The following SPECC1 variants were observed in gnomAD, a reference collection of about 807,000 sequenced individuals.
The protein encoded by SPECC1 is sperm antigen with calponin homology and coiled-coil domains 1.
SPECC1 carries 62 observed loss-of-function variants against 104.1 expected under a neutral mutation model. The observed-to-expected ratio is 0.60, with a 90% CI of 0.49 to 0.74. The LOEUF is 0.74. Among genes scored for constraint, SPECC1 ranks in the 30% least tolerant of loss-of-function variants. The probability of loss-of-function intolerance (pLI) is 0.00; values close to 1 mark genes in which losing one functional copy is unlikely to be tolerated. For synonymous variants in SPECC1, 513 were observed against 501.6 expected (o/e 1.02, Z -0.30); for missense variants, 1,306 against 1,310.5 (o/e 1.00, Z 0.05).
chr17:20,225,630 A>G (rs1374831391), intron 4 of SPECC1, among the ~76,000 whole-genome samples: 1 of 152,170 alleles, frequency 6.6e-6, no homozygotes, highest in Non-Finnish European at 1.5e-5. Flanking sequence ...GTTGCTGCCA[A>G]GGGATGAGGG....
chr17:20,076,489 T>C (rs1468859313), intron 1 of SPECC1, among the ~76,000 whole-genome samples: 1 of 152,232 alleles, frequency 6.6e-6, no homozygotes, highest in East Asian at 1.9e-4. Context: ...GATGAGCCAC[T>C]GCACCCAGCC....
chr17:20,036,479 G>A (rs543697400), intron 1 of SPECC1, among the ~76,000 whole-genome samples: 2 of 152,288 alleles, frequency 1.3e-5, no homozygotes, highest in East Asian at 3.9e-4. Flanking sequence ...TATTTATCAT[G>A]TACAACATGA....
chr17:20,271,402 T>A (rs57647643), intron 12 of SPECC1, among the ~76,000 whole-genome samples: 2,435 of 151,944 alleles, frequency 0.016, 49 homozygotes, highest in African/African-American at 0.054. Flanking sequence ...ATATCTGGAG[T>A]TCACATTAAG....
chr17:20,037,751 T>A (rs889314466), intron 1 of SPECC1, among the ~76,000 whole-genome samples: 1 of 152,206 alleles, frequency 6.6e-6, no homozygotes, highest in Non-Finnish European at 1.5e-5. Flanking sequence ...ATTTTTTAAA[T>A]CCTTATTCTT....
rs138830193 is a variant in SPECC1 at position 20,256,168 on chromosome 17, C to T, written c.2681-1283C>T. On this transcript the variant is annotated intron_variant, in intron 10 of 14. Coordinates refer to ENST00000395527, the MANE Select transcript of SPECC1 (RefSeq NM_001243439.2). ...CTGGGATTACAGGCATGAGCCACTG[C>T]ACCCGGCCAAAACCATTCTTTTAGT... is the stretch of plus-strand genomic sequence containing the variant. 7.8e-3 allele frequency among the ~76,000 whole-genome samples: 1,182 copies of T among 152,282 alleles called. 18 individuals carry two copies. Among genetic ancestry groups the T allele is most frequent in the African/African-American group, 0.027 (1,126 of 41,540 alleles).
At chr17:20,156,791 G>A (rs1190187182) in intron 3 of SPECC1, among the ~76,000 whole-genome samples, 3 of 152,144 alleles carry the variant, frequency 2.0e-5, no homozygotes, top group African/African-American at 7.2e-5. Context: ...GAGTCAGTTG[G>A]GCCGTAGTTT....
At chr17:20,076,990 A>G (rs1486747429) in intron 1 of SPECC1, among the ~76,000 whole-genome samples, 1 of 152,146 alleles carries the variant, frequency 6.6e-6, no homozygotes, top group Non-Finnish European at 1.5e-5. Flanking sequence ...TTCTCTTTTG[A>G]TCATTTTATG....
chr17:20,311,377 T>TG (rs2041926905), intron 14 of SPECC1, among the ~76,000 whole-genome samples: 7 of 151,712 alleles, frequency 4.6e-5, no homozygotes, highest in African/African-American at 1.7e-4. Flanking sequence ...CAGTACATTT[T>TG]TTTTTTGTTT....
At chr17:20,148,618 C>A (rs1489185767) in intron 3 of SPECC1, among the ~76,000 whole-genome samples, 2 of 151,422 alleles carry the variant, frequency 1.3e-5, no homozygotes, top group Non-Finnish European at 2.9e-5. Context: ...CAGAGAGGGC[C>A]ACTCTCAATC....
chr17:20,099,979 C>A (rs538934489), intron 2 of SPECC1, among the ~76,000 whole-genome samples: 3 of 152,250 alleles, frequency 2.0e-5, no homozygotes, highest in African/African-American at 7.2e-5. Flanking sequence ...CTACACACAT[C>A]CTCCCATATA....
intron 1 of SPECC1, among the ~76,000 whole-genome samples, chr17:20,026,956 TGTC>T (rs1567800493): frequency 1.3e-5 from 2 of 152,118 alleles, no homozygotes; most frequent in African/African-American, 4.8e-5. Context: ...CATTATATTT[TGTC>T]TTTTTGATAG....
chr17:20,036,018 G>C (rs930234564), intron 1 of SPECC1, among the ~76,000 whole-genome samples: 1 of 151,996 alleles, frequency 6.6e-6, no homozygotes, highest in Non-Finnish European at 1.5e-5. Context: ...TCACCATGTT[G>C]GTCAGGCTGG....
chr17:20,082,957 TGTTC>T (rs5819696), intron 1 of SPECC1, among the ~76,000 whole-genome samples: 20,626 of 147,578 alleles, frequency 0.14, 1,505 homozygotes, highest in African/African-American at 0.17. Flanking sequence ...TGTCCTTTGG[TGTTC>T]GTTCGTTCGT....
chr17:20,103,739 C>T (rs922707132), intron 2 of SPECC1, among the ~76,000 whole-genome samples: 4 of 152,174 alleles, frequency 2.6e-5, no homozygotes, highest in East Asian at 3.9e-4. Flanking sequence ...CTCCCCAGGA[C>T]GTCCGCATCC....
At chr17:20,217,341 C>A (rs1449851062) in intron 4 of SPECC1, among the ~76,000 whole-genome samples, 1 of 151,288 alleles carries the variant, frequency 6.6e-6, no homozygotes, top group African/African-American at 2.4e-5. Flanking sequence ...ATAGTTATTC[C>A]AACATCCAAG....
chr17:20,116,571 T>A (rs2048764952), intron 3 of SPECC1, among the ~76,000 whole-genome samples: 2 of 152,184 alleles, frequency 1.3e-5, no homozygotes. Flanking sequence ...AAAGCATATA[T>A]GTGATTCTTA....
chr17:20,171,433 CT>C (rs2034081503), intron 3 of SPECC1, among the ~76,000 whole-genome samples: 1 of 152,202 alleles, frequency 6.6e-6, no homozygotes, highest in East Asian at 1.9e-4. Context: ...ATTAAAATGA[CT>C]TCTTCTGTAA....
At chr17:20,279,433 C>T (rs1379357207) in intron 12 of SPECC1, among the ~76,000 whole-genome samples, 2 of 151,484 alleles carry the variant, frequency 1.3e-5, no homozygotes, top group African/African-American at 4.9e-5. Flanking sequence ...AGCGATTCTC[C>T]TGCCTCAGCC....
intron 3 of SPECC1, among the ~76,000 whole-genome samples, chr17:20,119,844 C>A (rs1206235383): frequency 6.6e-6 from 1 of 152,314 alleles, no homozygotes; most frequent in South Asian, 2.1e-4. Context: ...GTTGTACAGG[C>A]TGAACATCCC....
Sources: allele counts gnomAD v4.1 joint callset (sites outside exome capture counted in the v4.1 genomes callset), GRCh38; gene constraint gnomAD v4.1.1; transcripts MANE v1.5; gene names NCBI Gene and HGNC (gene_info 2026-07-23, HGNC 2026-07-21).